The following WDR37 variants were observed in gnomAD, a reference collection of about 807,000 sequenced individuals.
WDR37 encodes the protein WD repeat domain 37, also known as WD repeat-containing protein 37.
Under a neutral mutation model 62.9 loss-of-function variants are expected in WDR37, and 19 were observed. The observed-to-expected ratio is 0.30, with a 90% CI of 0.21 to 0.44. WDR37 has a LOEUF of 0.44. Among genes scored for constraint, WDR37 ranks in the 20% least tolerant of loss-of-function variants. The pLI, the probability that WDR37 is intolerant of heterozygous loss-of-function variation, is 1.00. For synonymous variants in WDR37, 250 were observed against 260.9 expected (o/e 0.96, Z 0.40); for missense variants, 474 against 657.6 (o/e 0.72, Z 3.05).
intron 11 of WDR37, 28 bp from the exon 12 acceptor site, chr10:1,124,190 C>G (rs188019534): frequency 6.2e-7 from 1 of 1,613,640 alleles, no homozygotes; most frequent in South Asian, 1.1e-5. Flanking sequence ...CCTGCTGTTG[C>G]ATCTGACTCT....
Position 1,080,409 on chromosome 10 carries a change from C to T in WDR37, c.332-3C>T, listed in dbSNP as rs1833994057. 1.9e-6 allele frequency: 3 copies of T among 1,614,128 alleles called. No individual in the cohort carries two copies. The highest frequency in any genetic ancestry group is 3.3e-5 in the Admixed American group (2 of 60,002). On this transcript the variant is annotated splice_polypyrimidine_tract_variant and splice_region_variant and intron_variant, in intron 4 of 13. Transcript: ENST00000263150. The stretch of plus-strand genomic sequence containing the variant: ...GTTTGATTGTCACTCTCTGTCCCTG[C>T]AGCCAGTCACAGCACCAGCCAGCTC...
chr10:1,126,335 G>T (rs558783316), intron 13 of WDR37, among the ~76,000 whole-genome samples: 68 of 151,344 alleles, frequency 4.5e-4, no homozygotes, highest in Non-Finnish European at 9.4e-4. Context: ...GAACCCAGGA[G>T]GCGGAGCTTG....
At chr10:1,107,580 C>T (rs1835064509) in intron 11 of WDR37, among the ~76,000 whole-genome samples, 1 of 151,868 alleles carries the variant, frequency 6.6e-6, no homozygotes, top group African/African-American at 2.4e-5. Context: ...AAACACACGC[C>T]CACTAACCCT....
chr10:1,108,519 C>G lies in WDR37; in HGVS notation c.1103+3252C>G, dbSNP rs370094597. Among the ~76,000 whole-genome samples, 3 of 152,180 alleles carry G rather than the reference C, an allele frequency of 2.0e-5. No individual in the cohort carries two copies. The East Asian group carries it at 5.8e-4, about 29-fold the overall frequency. On this transcript the variant is annotated intron_variant, in intron 11 of 13. Coordinates refer to ENST00000263150, the MANE Select transcript of WDR37 (RefSeq NM_014023.4). ...TGCTCTCCTGTTTCAAATAGCGAAG[C>G]GACACTATTCTATGGATGTTAATTC...
intron 13 of WDR37, among the ~76,000 whole-genome samples, chr10:1,126,402 T>A (rs1411408245): frequency 7.8e-6 from 1 of 127,722 alleles, no homozygotes; most frequent in Non-Finnish European, 1.6e-5. Flanking sequence ...CGAGACTGTG[T>A]CTCAGAAAAA....
chr10:1,057,581 C>T (rs537316620), intron 1 of WDR37, among the ~76,000 whole-genome samples: 2 of 152,216 alleles, frequency 1.3e-5, no homozygotes, highest in East Asian at 3.9e-4. Context: ...TCCCTTCCCC[C>T]TGAAAGCAGC....
In WDR37 at chr10:1,126,131, C is replaced by T. The variant is rs540624682; in HGVS notation, c.1353+1107C>T. On this transcript the variant is annotated intron_variant, in intron 13 of 13. Coordinates refer to ENST00000263150, the MANE Select transcript of WDR37 (RefSeq NM_014023.4). The stretch of plus-strand genomic sequence containing the variant: ...AAACTCCCCGGGGTCAGTGGCTGGT[C>T]GCAGTGGCTGACGCCTGTAATCGTA... Among the ~76,000 whole-genome samples, 40 of 152,288 alleles carry T rather than the reference C, an allele frequency of 2.6e-4. 1 individual carries two copies. The highest frequency in any genetic ancestry group is 1.0e-3 in the South Asian group (5 of 4,826).
intron 13 of WDR37, among the ~76,000 whole-genome samples, chr10:1,128,205 C>T (rs1835860377): frequency 6.6e-6 from 1 of 152,138 alleles, no homozygotes; most frequent in Non-Finnish European, 1.5e-5. Context: ...AACTTTATGC[C>T]ATTCTTTGAG....
In WDR37 at chr10:1,093,512, T is replaced by C; in HGVS notation, c.649+16T>C. 6.3e-7 allele frequency: 1 copy of C among 1,599,140 alleles called. No individual in the cohort carries two copies. Among genetic ancestry groups the C allele is most frequent in the Non-Finnish European group, 8.5e-7 (1 of 1,170,158 alleles). On this transcript the variant is annotated intron_variant, in intron 8 of 13. Coordinates refer to ENST00000263150, the MANE Select transcript of WDR37 (RefSeq NM_014023.4). ...GCTCTCACTGGTATGTTGATTTTTT[T>C]CTTTATTGAACAAAATGATAGATGG...
At chr10:1,066,121 CTT>C (rs572086625) in intron 1 of WDR37, among the ~76,000 whole-genome samples, 4 of 146,582 alleles carry the variant, frequency 2.7e-5, no homozygotes, top group African/African-American at 5.0e-5. Flanking sequence ...ATATGTAGGA[CTT>C]TTTTTTTTTA....
At chr10:1,074,303 C>T (rs1323271583) in intron 2 of WDR37, 3 of 1,198,916 alleles carry the variant, frequency 2.5e-6, no homozygotes, top group Non-Finnish European at 3.2e-6. Flanking sequence ...CTTTTCTGGG[C>T]CCTGAATGCC....
intron 1 of WDR37, among the ~76,000 whole-genome samples, chr10:1,061,667 C>T (rs1481214658): frequency 6.6e-6 from 1 of 152,038 alleles, no homozygotes; most frequent in Admixed American, 6.6e-5. Flanking sequence ...GGTGAAACCC[C>T]GTCTCTCTTA....
intron 1 of WDR37, among the ~76,000 whole-genome samples, chr10:1,063,682 T>C (rs1423662718): frequency 6.6e-6 from 1 of 152,162 alleles, no homozygotes; most frequent in African/African-American, 2.4e-5. Context: ...TGCTGCCCTG[T>C]GGTCATGAGG....
chr10:1,097,137 C>T (rs529570537), intron 9 of WDR37, among the ~76,000 whole-genome samples: 2 of 152,198 alleles, frequency 1.3e-5, no homozygotes, highest in African/African-American at 2.4e-5. Flanking sequence ...GGAGATACTC[C>T]GAAAGAGTTG....
chr10:1,062,976 C>T lies in WDR37; in HGVS notation c.-41+6008C>T, dbSNP rs574079320. 5.9e-5 allele frequency among the ~76,000 whole-genome samples: 9 copies of T among 151,812 alleles called. No homozygotes were observed. In the East Asian group the frequency reaches 1.7e-3, roughly 29 times the overall value. Reference sequence around the variant, plus strand: ...TGTTGGGCACCTGTAGTCCCAGCTACTTGGGAGGCTGAGGTAGGAGAATTG... The same window carrying T: ...TGTTGGGCACCTGTAGTCCCAGCTATTTGGGAGGCTGAGGTAGGAGAATTG... On this transcript the variant is annotated intron_variant, in intron 1 of 13. Coordinates refer to ENST00000263150, the MANE Select transcript of WDR37 (RefSeq NM_014023.4).
chr10:1,076,316 T>G lies in WDR37; in HGVS notation c.139-1591T>G, dbSNP rs1179309467. ...CTCACATTGCTAAAATGCTGTCATTTTTCCCTAAAATTTCTGTCTTTTAAG... is the reference window on the plus strand; with the variant it reads ...CTCACATTGCTAAAATGCTGTCATTGTTCCCTAAAATTTCTGTCTTTTAAG... On this transcript the variant is annotated intron_variant, in intron 2 of 13. Coordinates refer to ENST00000263150, the MANE Select transcript of WDR37 (RefSeq NM_014023.4). 3.3e-5 allele frequency among the ~76,000 whole-genome samples: 5 copies of G among 152,282 alleles called. No individual in the cohort carries two copies. The East Asian group carries it at 9.6e-4, about 29-fold the overall frequency.
At chr10:1,126,881 T>A (rs1289976164) in intron 13 of WDR37, among the ~76,000 whole-genome samples, 2 of 152,236 alleles carry the variant, frequency 1.3e-5, no homozygotes, top group Non-Finnish European at 2.9e-5. Flanking sequence ...ATTGAGTTTT[T>A]ACTCCTCGAT....
intron 11 of WDR37, among the ~76,000 whole-genome samples, chr10:1,106,199 A>G (rs1835011361): frequency 6.6e-6 from 1 of 152,006 alleles, no homozygotes. Context: ...CTGTCTACCT[A>G]GAGTGTTCCC....
At chr10:1,059,932 C>T (rs1428167058) in intron 1 of WDR37, among the ~76,000 whole-genome samples, 5 of 152,162 alleles carry the variant, frequency 3.3e-5, no homozygotes, top group African/African-American at 1.2e-4. Context: ...ACTGCCTCCA[C>T]CTCCCAGGGT....
Sources: allele counts gnomAD v4.1 joint callset (sites outside exome capture counted in the v4.1 genomes callset), GRCh38; gene constraint gnomAD v4.1.1; transcripts MANE v1.5; gene names NCBI Gene and HGNC (gene_info 2026-07-23, HGNC 2026-07-21).